RBFOX1: variants seen among roughly 807,000 people sequenced by gnomAD.
RBFOX1 encodes the protein RNA binding fox-1 homolog 1.
A neutral mutation model predicts 57.7 loss-of-function variants in RBFOX1; 8 were observed. The observed-to-expected ratio is 0.14, with a 90% CI of 0.08 to 0.25. RBFOX1 has a LOEUF of 0.25. Ranked by LOEUF, RBFOX1 falls within the 10% of genes least tolerant of loss-of-function variation. RBFOX1 has a pLI of 1.00. For synonymous variants in RBFOX1, 326 were observed against 222.4 expected (o/e 1.47, Z -4.15); for missense variants, 611 against 548.5 (o/e 1.11, Z -1.14).
intron 3 of RBFOX1, among the ~76,000 whole-genome samples, chr16:5,709,611 A>G (rs1417909655): frequency 6.6e-6 from 1 of 151,124 alleles, no homozygotes; most frequent in Admixed American, 6.6e-5. Flanking sequence ...AGCAAGCATC[A>G]TTAGCTAGGT....
At chr16:6,452,384 TCTCTTTTCCTTCCATAA>T (rs1174506694) in intron 2 of RBFOX1, among the ~76,000 whole-genome samples, 2 of 149,698 alleles carry the variant, frequency 1.3e-5, no homozygotes, top group South Asian at 2.1e-4. Flanking sequence ...TCTTTCCATG[TCTCTTTTCCTTCCATAA>T]CTCTCTTCCT....
intron 3 of RBFOX1, among the ~76,000 whole-genome samples, chr16:6,813,028 A>G (rs2089152338): frequency 6.6e-6 from 1 of 152,152 alleles, no homozygotes. Context: ...ATTTCACAAA[A>G]GACCTATTGT....
chr16:6,098,660 A>G (rs187058459), intron 1 of RBFOX1, among the ~76,000 whole-genome samples: 17 of 152,318 alleles, frequency 1.1e-4, no homozygotes, highest in Non-Finnish European at 2.1e-4. Context: ...TTCAGAGTTT[A>G]TACATTCATT....
chr16:5,568,457 A>G (rs2046150577), intron 2 of RBFOX1, among the ~76,000 whole-genome samples: 1 of 151,798 alleles, frequency 6.6e-6, no homozygotes, highest in Admixed American at 6.6e-5. Flanking sequence ...CCTTTCCTGT[A>G]TTTTTTGGTA....
intron 3 of RBFOX1, among the ~76,000 whole-genome samples, chr16:6,807,709 G>C (rs752972754): frequency 6.6e-6 from 1 of 152,008 alleles, no homozygotes. Context: ...GGAGCTACTC[G>C]GGAGGCTAAG....
At chr16:7,073,156 T>C (rs1044773868) in intron 4 of RBFOX1, among the ~76,000 whole-genome samples, 16 of 152,216 alleles carry the variant, frequency 1.1e-4, no homozygotes, top group African/African-American at 3.6e-4. Flanking sequence ...AATTATGCTC[T>C]GCAGGCAACA....
chr16:5,837,611 T>C (rs2056502152), intron 3 of RBFOX1, among the ~76,000 whole-genome samples: 1 of 151,718 alleles, frequency 6.6e-6, no homozygotes, highest in African/African-American at 2.4e-5. Context: ...CCCCTCTTTT[T>C]TTTTTTTTTT....
chr16:5,819,465 C>G (rs2055766546), intron 3 of RBFOX1, among the ~76,000 whole-genome samples: 1 of 152,194 alleles, frequency 6.6e-6, no homozygotes, highest in African/African-American at 2.4e-5. Context: ...AGTGGTCTTT[C>G]AAAAGCATGA....
intron 7 of RBFOX1, among the ~76,000 whole-genome samples, chr16:7,587,812 A>G (rs994627115): frequency 6.6e-6 from 1 of 152,202 alleles, no homozygotes; most frequent in African/African-American, 2.4e-5. Flanking sequence ...AAGGAAACCA[A>G]TTTTTAAATA....
At position 5,591,055 on chromosome 16, in the gene RBFOX1, C is replaced by T. The variant is rs573403667; in HGVS notation, c.259-7847C>T. Among the ~76,000 whole-genome samples the T allele has an allele frequency of 7.2e-5, 11 of 151,800 alleles. No homozygotes were observed. The South Asian group carries it at 2.1e-3, about 29-fold the overall frequency. ...TTCGGAAAATGGCAAGAAATGAAGC[C>T]TTACCCAAAGGGTTCTTGCCAATGT... On this transcript the variant is annotated intron_variant, in intron 2 of 2. Transcript: ENST00000585867.
intron 3 of RBFOX1, among the ~76,000 whole-genome samples, chr16:5,712,373 G>C (rs1030443727): frequency 6.6e-6 from 1 of 152,208 alleles, no homozygotes; most frequent in African/African-American, 2.4e-5. Context: ...AGTGCTCTAA[G>C]GCTTAGGGAA....
chr16:7,086,723 C>CACACACACACACACACAGACAG (rs1218378000), intron 4 of RBFOX1, among the ~76,000 whole-genome samples: 1 of 151,520 alleles, frequency 6.6e-6, no homozygotes, highest in Admixed American at 6.6e-5. Flanking sequence ...AGAATGTATA[C>CACACACACACACACACAGACAG]ACACACACAC....
At chr16:7,108,110 C>T (rs923078016) in intron 4 of RBFOX1, among the ~76,000 whole-genome samples, 2 of 152,034 alleles carry the variant, frequency 1.3e-5, no homozygotes, top group African/African-American at 4.8e-5. Flanking sequence ...TGTGGATGAC[C>T]AATTTTCAGC....
chr16:7,560,892 A>G lies in RBFOX1; in HGVS notation c.271-18885A>G, dbSNP rs193236516. Among the ~76,000 whole-genome samples, 8 of 152,304 alleles carry G rather than the reference A, an allele frequency of 5.3e-5. No homozygotes were observed. In the East Asian group the frequency reaches 1.3e-3, roughly 26 times the overall value. ...TGCTGAGTTTTTCTGGATGAATAAGACTTTTTTCAAGAAATTTCACATATT... is the reference window on the plus strand; with the variant it reads ...TGCTGAGTTTTTCTGGATGAATAAGGCTTTTTTCAAGAAATTTCACATATT... On this transcript the variant is annotated intron_variant, in intron 5 of 15. Transcript: ENST00000550418.
chr16:5,926,198 A>T (rs2058937129), intron 4 of RBFOX1, among the ~76,000 whole-genome samples: 2 of 152,260 alleles, frequency 1.3e-5, no homozygotes, highest in African/African-American at 4.8e-5. Flanking sequence ...TACTATTTAA[A>T]ATGAGATATG....
chr16:6,961,264 G>A (rs1598445228), intron 3 of RBFOX1, among the ~76,000 whole-genome samples: 1 of 152,156 alleles, frequency 6.6e-6, no homozygotes, highest in African/African-American at 2.4e-5. Context: ...CAGAACCTGG[G>A]GAGACCCCAC....
At chr16:6,657,543 C>T (rs75647692) in intron 3 of RBFOX1, among the ~76,000 whole-genome samples, 1 of 152,114 alleles carries the variant, frequency 6.6e-6, no homozygotes, top group African/African-American at 2.4e-5. Flanking sequence ...GGAGTGCACT[C>T]TGGTGCCTCT....
intron 13 of RBFOX1, among the ~76,000 whole-genome samples, chr16:7,669,336 A>T (rs146271687): frequency 5.3e-5 from 8 of 152,232 alleles, no homozygotes; most frequent in African/African-American, 1.7e-4. Flanking sequence ...TGATCAAAAG[A>T]TAACTATTAA....
intron 1 of RBFOX1, among the ~76,000 whole-genome samples, chr16:6,087,620 T>C (rs1031876397): frequency 4.6e-5 from 7 of 152,086 alleles, no homozygotes; most frequent in Admixed American, 2.6e-4. Flanking sequence ...GGATGCAGCA[T>C]AGGAAACTCA....
Sources: allele counts gnomAD v4.1 joint callset (sites outside exome capture counted in the v4.1 genomes callset), GRCh38; gene constraint gnomAD v4.1.1; transcripts MANE v1.5; gene names NCBI Gene and HGNC (gene_info 2026-07-23, HGNC 2026-07-21).